Variants in PCDHGB4 observed in about 807,000 individuals in gnomAD.
The protein encoded by PCDHGB4 is protocadherin gamma subfamily B, 4.
In PCDHGB4, 38 loss-of-function variants were observed where a neutral mutation model predicts 60.5. The ratio of observed to expected loss-of-function variants is 0.63; its 90% CI spans 0.48 to 0.82. PCDHGB4 has a LOEUF of 0.82. PCDHGB4 is among the 40% of genes least tolerant of loss of function. The pLI is 0.00. For missense variants in PCDHGB4, 1,109 were observed against 1,209.6 expected, an observed-to-expected ratio of 0.92 and a Z score of 1.23; for synonymous variants, 456 against 509.7, an observed-to-expected ratio of 0.89 and a Z score of 1.42.
chr5:141,423,661 GT>G, intron 1 of PCDHGB4: 1 of 1,555,760 alleles, frequency 6.4e-7, no homozygotes. Flanking sequence ...AAGTAATCAG[GT>G]GAGATTTATT....
At chr5:141,452,490 C>A (rs2098742307) in intron 1 of PCDHGB4, among the ~76,000 whole-genome samples, 1 of 152,188 alleles carries the variant, frequency 6.6e-6, no homozygotes, top group East Asian at 1.9e-4. Flanking sequence ...TAAACACACC[C>A]ATATTTATAT....
At position 141,487,578 on chromosome 5, in the gene PCDHGB4, C is replaced by T. The variant is rs1293087014; in HGVS notation, c.2398-7229C>T. The T allele has an allele frequency of 1.2e-6, 2 of 1,614,052 alleles. No individual in the cohort carries two copies. Among genetic ancestry groups the T allele is most frequent in the Non-Finnish European group, 1.7e-6 (2 of 1,180,044 alleles). ...CCTATGGCAGGGGAGCCTGTTCGCC[C>T]AAGCTGCCCACCCTCTGATCTTCTC... On this transcript the variant is annotated intron_variant, in intron 1 of 3. Coordinates refer to ENST00000519479, the MANE Select transcript of PCDHGB4 (RefSeq NM_003736.4). The surrounding 1 kb of genome is among the most constrained non-coding windows in gnomAD (Gnocchi z 5.0).
intron 1 of PCDHGB4, chr5:141,430,495 T>C: frequency 3.4e-6 from 1 of 293,400 alleles, no homozygotes; most frequent in Non-Finnish European, 6.2e-6. Context: ...GAAATATCCT[T>C]TCTGGGAGTT....
intron 1 of PCDHGB4, among the ~76,000 whole-genome samples, chr5:141,406,087 T>TA (rs113984376): frequency 6.7e-6 from 1 of 148,544 alleles, no homozygotes; most frequent in African/African-American, 2.5e-5. Flanking sequence ...TTTTTTTTTT[T>TA]AAGAGATGGG....
rs564367150 is a variant in PCDHGB4 at position 141,464,990 on chromosome 5, C to T, written c.2398-29817C>T. Among the ~76,000 whole-genome samples, 147 of 152,192 alleles carry T rather than the reference C, an allele frequency of 9.7e-4. 1 individual carries two copies. Among genetic ancestry groups the T allele is most frequent in the African/African-American group, 3.5e-3 (144 of 41,536 alleles). On this transcript the variant is annotated intron_variant, in intron 1 of 3. Transcript: ENST00000519479. ...CTACTGGCTTCAAGTGATCCTCCCA[C>T]CTCAGCCTCCCAAAGTGCTAAGATT...
intron 1 of PCDHGB4, chr5:141,433,257 G>T: frequency 7.2e-7 from 1 of 1,385,416 alleles, no homozygotes; most frequent in Non-Finnish European, 9.9e-7. Context: ...GCAGCGGTAC[G>T]ATCATAGCTC....
intron 1 of PCDHGB4, chr5:141,410,118 G>C: frequency 1.2e-6 from 2 of 1,612,422 alleles, no homozygotes; most frequent in African/African-American, 2.7e-5. Flanking sequence ...GACGCAGCCC[G>C]CCAGCGCCTG....
intron 1 of PCDHGB4, among the ~76,000 whole-genome samples, chr5:141,434,248 G>A (rs1347428778): frequency 2.0e-5 from 3 of 152,188 alleles, no homozygotes; most frequent in Non-Finnish European, 2.9e-5. Flanking sequence ...GATGACTTGG[G>A]CATTGTGGGG....
rs537196945 is a variant in PCDHGB4 at position 141,470,749 on chromosome 5, G to A, written c.2398-24058G>A. 3.9e-5 allele frequency among the ~76,000 whole-genome samples: 6 copies of A among 152,260 alleles called. No individual in the cohort carries two copies. The East Asian group carries it at 7.7e-4, about 20-fold the overall frequency. On this transcript the variant is annotated intron_variant, in intron 1 of 3. Coordinates refer to ENST00000519479, the MANE Select transcript of PCDHGB4 (RefSeq NM_003736.4). ...GTCTTGCTCTGTCGCCCTGGCTGGAGTGCAGTGGACTCACTACAGTCTTGA... is the reference window on the plus strand; with the variant it reads ...GTCTTGCTCTGTCGCCCTGGCTGGAATGCAGTGGACTCACTACAGTCTTGA...
rs1216196772 is a variant in PCDHGB4, at chr5:141,388,769, C to T, written c.885C>T (p.Asn295=). The change falls in exon 1 of 4, where the codon AAC becomes AAT. Residue 295 remains asparagine (N), a synonymous_variant. Transcript: ENST00000519479. The part of the protein sequence containing the change: ...SQITQFDLNS[N]TGEITVLNTL... Reference sequence around the variant, plus strand: ...TCACCCAATTTGACCTGAACTCTAACACCGGGGAAATTACTGTTTTAAATA... The same window carrying T: ...TCACCCAATTTGACCTGAACTCTAATACCGGGGAAATTACTGTTTTAAATA... 1.4e-5 allele frequency: 23 copies of T among 1,613,914 alleles called. No individual in the cohort carries two copies. Among genetic ancestry groups the T allele is most frequent in the Non-Finnish European group, 1.9e-5 (22 of 1,179,798 alleles).
In PCDHGB4 at chr5:141,491,491, G is replaced by C. The variant is rs2099717103; in HGVS notation, c.2398-3316G>C. The C allele has an allele frequency of 1.2e-6, 2 of 1,614,042 alleles. No homozygotes were observed. The highest frequency in any genetic ancestry group is 1.7e-5 in the Admixed American group (1 of 60,016). The stretch of plus-strand genomic sequence containing the variant: ...TAAGCAGTCCAGCCCCAACCTGCAG[G>C]TGAGCTCGGACGGCACGCTCAAGTA... On this transcript the variant is annotated intron_variant, in intron 1 of 3. Transcript: ENST00000519479. The surrounding 1 kb of genome is among the most constrained non-coding windows in gnomAD (Gnocchi z 6.9).
Position 141,387,725 on chromosome 5 carries a change from C to A in PCDHGB4, c.-160C>A, listed in dbSNP as rs986434485. On this transcript the variant is annotated 5_prime_UTR_variant, in exon 1 of 4. Coordinates refer to ENST00000519479, the MANE Select transcript of PCDHGB4 (RefSeq NM_003736.4). ...GGCAGCCCCAGCTCAGACTCCCCAG[C>A]GCCAGCCTTTACACCGCTTCCTCCT... 2 of 1,183,102 alleles carry A rather than the reference C, an allele frequency of 1.7e-6. No individual in the cohort carries two copies. Among genetic ancestry groups the A allele is most frequent in the Non-Finnish European group, 2.3e-6 (2 of 857,020 alleles). 73.3% of individuals were successfully genotyped at this position (1,183,102 alleles called of 1,614,324 possible).
rs755093164 is a variant in PCDHGB4, at chr5:141,485,516, G to C, written c.2398-9291G>C. On this transcript the variant is annotated intron_variant, in intron 1 of 3. Coordinates refer to ENST00000519479, the MANE Select transcript of PCDHGB4 (RefSeq NM_003736.4). The surrounding 1 kb of genome is among the most constrained non-coding windows in gnomAD (Gnocchi z 5.7). Reference sequence around the variant, plus strand: ...GGAGTTTGTCACCGAAGGTCCTTTGGAAATGTACCGAGCAGAGGTAGAGAT... The same window carrying C: ...GGAGTTTGTCACCGAAGGTCCTTTGCAAATGTACCGAGCAGAGGTAGAGAT... 1 of 1,614,172 alleles carries C rather than the reference G, an allele frequency of 6.2e-7. No individual in the cohort carries two copies.
At position 141,409,535 on chromosome 5, in the gene PCDHGB4, A is replaced by G. The variant is rs745624722; in HGVS notation, c.2397+19254A>G. 5 of 1,613,894 alleles carry G rather than the reference A, an allele frequency of 3.1e-6. No homozygotes were observed. The African/African-American group carries it at 4.0e-5, about 13-fold the overall frequency. ...AAGCATCACCTTGTATGTCGCTGAC[A>G]TCAACGACAACGCCCCAGTTTTCGA... On this transcript the variant is annotated intron_variant, in intron 1 of 3. Coordinates refer to ENST00000519479, the MANE Select transcript of PCDHGB4 (RefSeq NM_003736.4).
At chr5:141,424,960 C>T (rs1291822416) in intron 1 of PCDHGB4, among the ~76,000 whole-genome samples, 1 of 152,102 alleles carries the variant, frequency 6.6e-6, no homozygotes, top group African/African-American at 2.4e-5. Context: ...AGGTATTTGC[C>T]CCAAATTACT....
rs2099670287 is a variant in PCDHGB4, at chr5:141,487,983, TC to T, written c.2398-6822del. Among the ~76,000 whole-genome samples, 3 of 152,290 alleles carry T rather than the reference TC, an allele frequency of 2.0e-5. No individual in the cohort carries two copies. The South Asian group carries it at 6.2e-4, about 32-fold the overall frequency. ...CAAAGGTGGCTGTTTTCTCTACTCT[TC>T]CTGAAAGAGGGGATCAGATTCTGAA... On this transcript the variant is annotated intron_variant, in intron 1 of 3. Coordinates refer to ENST00000519479, the MANE Select transcript of PCDHGB4 (RefSeq NM_003736.4). This position sits in a 1 kb window ranked among gnomAD's most constrained non-coding sequence, Gnocchi z 5.0.
Position 141,491,045 on chromosome 5 carries a change from A to G in PCDHGB4, c.2398-3762A>G, listed in dbSNP as rs1452139285. 2 of 1,613,970 alleles carry G rather than the reference A, an allele frequency of 1.2e-6. No individual in the cohort carries two copies. The highest frequency in any genetic ancestry group is 1.1e-5 in the South Asian group (1 of 91,090). On this transcript the variant is annotated intron_variant, in intron 1 of 3. Coordinates refer to ENST00000519479, the MANE Select transcript of PCDHGB4 (RefSeq NM_003736.4). This position sits in a 1 kb window ranked among gnomAD's most constrained non-coding sequence, Gnocchi z 6.9. ...GCCGTGGATGCTGATGCAGGCCACA[A>G]TGCGTGGCTCTCCTACTCACTGTTG...
At chr5:141,415,116 A>T in intron 1 of PCDHGB4, 1 of 1,613,652 alleles carries the variant, frequency 6.2e-7, no homozygotes, top group Non-Finnish European at 8.5e-7. Flanking sequence ...AAAGCCTCGT[A>T]GTGGCCGTCC....
Position 141,491,994 on chromosome 5 carries a change from C to T in PCDHGB4, c.2398-2813C>T. On this transcript the variant is annotated intron_variant, in intron 1 of 3. Transcript: ENST00000519479. This position sits in a 1 kb window ranked among gnomAD's most constrained non-coding sequence, Gnocchi z 6.9. ...CCTCCTTCGAGCTTCCGGTGAATTT[C>T]GGGCGATTTCCGCGGGTGTCGGGGG... The T allele has an allele frequency of 4.3e-6, 3 of 693,016 alleles. No individual in the cohort carries two copies. The allele number at this position is 693,016 out of a possible 1,614,324, so 42.9% of individuals were successfully genotyped here.
Sources: gnomAD v4.1 joint callset for allele counts (sites outside exome capture counted in the v4.1 genomes callset) on GRCh38, gnomAD v4.1.1 for gene constraint, Gnocchi (gnomAD v3.1) non-coding constraint, MANE v1.5 for transcripts, NCBI Gene and HGNC (gene_info 2026-07-23, HGNC 2026-07-21) for gene names.